The following SLC4A8 variants were observed in gnomAD, a reference collection of about 807,000 sequenced individuals.
SLC4A8 encodes electroneutral sodium bicarbonate exchanger 1.
In SLC4A8, 40 loss-of-function variants were observed where a neutral mutation model predicts 125.0. The observed-to-expected ratio is 0.32, with a 90% CI of 0.25 to 0.42. The LOEUF (loss-of-function observed/expected upper bound fraction) is 0.42, where lower values mean the gene tolerates loss of function less well. SLC4A8 is among the 10% of genes least tolerant of loss of function. The probability of loss-of-function intolerance (pLI) is 1.00; values close to 1 mark genes in which losing one functional copy is unlikely to be tolerated. For missense variants in SLC4A8, 863 were observed against 1,355.1 expected, an observed-to-expected ratio of 0.64 and a Z score of 5.70; for synonymous variants, 456 against 476.0, an observed-to-expected ratio of 0.96 and a Z score of 0.55.
In SLC4A8 at chr12:51,447,064, A is replaced by G. The variant is rs10624843; in HGVS notation, c.131-3812A>G. Among the ~76,000 whole-genome samples, 171 of 149,222 alleles carry G rather than the reference A, an allele frequency of 1.1e-3. 2 individuals carry two copies. The South Asian group carries it at 0.02, about 17-fold the overall frequency. On this transcript the variant is annotated intron_variant, in intron 2 of 24. Coordinates refer to ENST00000453097, the MANE Select transcript of SLC4A8 (RefSeq NM_001039960.3). ...TGTCTGTCTGTCTGTCTGTCTATCT[A>G]TCTGTCTATCTATCTATCTATCTAT... is the stretch of plus-strand genomic sequence containing the variant.
chr12:51,472,701 AGT>A (rs1205016479), intron 14 of SLC4A8, among the ~76,000 whole-genome samples: 1 of 152,200 alleles, frequency 6.6e-6, no homozygotes, highest in Non-Finnish European at 1.5e-5. Flanking sequence ...AGACAGGCAA[AGT>A]GACCAGCCCC....
intron 1 of SLC4A8, among the ~76,000 whole-genome samples, chr12:51,433,876 TTTG>T (rs1949298895): frequency 3.3e-5 from 1 of 30,472 alleles, no homozygotes; most frequent in Non-Finnish European, 7.2e-5. Context: ...TTTTTTTTTT[TTTG>T]GTTGGTTTTT....
rs548307456 is a variant in SLC4A8 at position 51,449,037 on chromosome 12, G to T, written c.131-1839G>T. 1.4e-3 allele frequency among the ~76,000 whole-genome samples: 211 copies of T among 152,260 alleles called. 2 individuals carry two copies. The highest frequency in any genetic ancestry group is 4.9e-3 in the African/African-American group (202 of 41,544). ...ACAGAAGCAACAGGATACCAGAGGG[G>T]TGGGAGACAATGGGATAGAGTCATA... On this transcript the variant is annotated intron_variant, in intron 2 of 24. Transcript: ENST00000453097.
At chr12:51,488,595 T>C in intron 17 of SLC4A8, 104 bp from the exon 18 acceptor site, 6 of 728,768 alleles carry the variant, frequency 8.2e-6, no homozygotes, top group South Asian at 3.0e-5. Flanking sequence ...TTTAAGAACC[T>C]CACTCAAGAA....
chr12:51,440,919 C>A lies in SLC4A8; in HGVS notation c.130+130C>A, dbSNP rs1381206514. Reference sequence around the variant, plus strand: ...GGGAAAATCACTTGATTTCCTTTAGCCTCACTTTCCTCATCTGGTAAATAA... The same window carrying A: ...GGGAAAATCACTTGATTTCCTTTAGACTCACTTTCCTCATCTGGTAAATAA... On this transcript the variant is annotated intron_variant, in intron 2 of 24. Transcript: ENST00000453097. The A allele has an allele frequency of 7.5e-6, 7 of 939,282 alleles. No homozygotes were observed. The African/African-American group carries it at 1.0e-4, about 14-fold the overall frequency. The allele number at this position is 939,282 out of a possible 1,614,324, so 58.2% of individuals were successfully genotyped here.
chr12:51,457,469 C>G lies in SLC4A8; in HGVS notation c.693C>G (p.Leu231=). The G allele has an allele frequency of 6.2e-7, 1 of 1,614,104 alleles. No homozygotes were observed. The highest frequency in any genetic ancestry group is 8.5e-7 in the Non-Finnish European group (1 of 1,179,960). The part of the protein sequence containing the change: ...HHQNEKKRNN[L]IPIVRSFAEV... The stretch of plus-strand genomic sequence containing the variant: ...AGAATGAAAAGAAGAGAAACAACCT[C>G]ATTCCCATTGTTCGCTCCTTTGCTG... The change falls in exon 6 of 25, where the codon CTC becomes CTG. Residue 231 remains leucine, a synonymous_variant. Transcript: ENST00000453097.
In SLC4A8 at chr12:51,472,970, GCA is replaced by G. The variant is rs370753144; in HGVS notation, c.1905-1363_1905-1362del. 1.9e-4 allele frequency among the ~76,000 whole-genome samples: 29 copies of G among 152,018 alleles called. 1 individual carries two copies. The South Asian group carries it at 5.4e-3, about 28-fold the overall frequency. On this transcript the variant is annotated intron_variant, in intron 14 of 24. Transcript: ENST00000453097. ...GAGTTAGCATATACCCCCTACCCCA[GCA>G]CACACACAGTCTCCCCCAATATCAA...
chr12:51,403,136 G>A (rs1272538457), intron 1 of SLC4A8: 2 of 217,368 alleles, frequency 9.2e-6, no homozygotes, highest in Non-Finnish European at 2.3e-5. Context: ...GCTCAGAACA[G>A]TGCTCAGAAC....
At chr12:51,442,225 C>T (rs1363811844) in intron 2 of SLC4A8, among the ~76,000 whole-genome samples, 1 of 152,162 alleles carries the variant, frequency 6.6e-6, no homozygotes, top group Non-Finnish European at 1.5e-5. Flanking sequence ...CTGTCATTAA[C>T]CACCCAACCT....
intron 20 of SLC4A8, chr12:51,494,660 T>A (rs541447577): frequency 3.8e-6 from 1 of 261,096 alleles, no homozygotes; most frequent in South Asian, 1.5e-4. Context: ...GTTTATTTTG[T>A]TTTCAACACC....
intron 1 of SLC4A8, among the ~76,000 whole-genome samples, chr12:51,400,099 C>G (rs1948344793): frequency 6.6e-6 from 1 of 152,204 alleles, no homozygotes; most frequent in South Asian, 2.1e-4. Flanking sequence ...GACCCAAGCA[C>G]TGCCCCTTGG....
rs58901746 is a variant in SLC4A8, at chr12:51,405,350, G to A, written c.-112+13862G>A. On this transcript the variant is annotated intron_variant, in intron 1 of 24. Coordinates refer to the SLC4A8 transcript ENST00000358657. ...TATTCCAAGCGCTTCAGGACATACTGTACCTCATTCCCTCTGAGCACTGGA... is the reference window on the plus strand; with the variant it reads ...TATTCCAAGCGCTTCAGGACATACTATACCTCATTCCCTCTGAGCACTGGA... Among the ~76,000 whole-genome samples, 813 of 152,250 alleles carry A rather than the reference G, an allele frequency of 5.3e-3. 8 individuals carry two copies. Among genetic ancestry groups the A allele is most frequent in the African/African-American group, 0.019 (769 of 41,524 alleles).
intron 1 of SLC4A8, chr12:51,425,304 G>C (rs1948932169): frequency 7.8e-7 from 1 of 1,285,964 alleles, no homozygotes; most frequent in African/African-American, 1.6e-5. Flanking sequence ...GACAGCCGGC[G>C]GGCGGCGACC....
intron 1 of SLC4A8, among the ~76,000 whole-genome samples, chr12:51,396,589 T>C (rs1948266995): frequency 6.6e-6 from 1 of 151,728 alleles, no homozygotes; most frequent in Non-Finnish European, 1.5e-5. Context: ...ATGTCTGTAA[T>C]CCCAGCACTT....
chr12:51,447,826 C>T (rs981314041), intron 2 of SLC4A8, among the ~76,000 whole-genome samples: 1 of 151,478 alleles, frequency 6.6e-6, no homozygotes, highest in Admixed American at 6.6e-5. Context: ...ATGCCATTCT[C>T]CTGCCTCAGC....
intron 15 of SLC4A8, chr12:51,474,662 T>C: frequency 1.3e-6 from 1 of 793,506 alleles, no homozygotes; most frequent in Non-Finnish European, 1.9e-6. Context: ...CCCCCCTACA[T>C]CCTACCCAGT....
intron 9 of SLC4A8, 114 bp from the exon 10 acceptor site, chr12:51,462,196 C>A: frequency 2.1e-6 from 2 of 962,290 alleles, no homozygotes; most frequent in Non-Finnish European, 3.3e-6. Context: ...CATCTCAGAT[C>A]CCCGTGACAG....
intron 22 of SLC4A8, chr12:51,497,834 C>T (rs1951503839): frequency 7.9e-6 from 1 of 127,218 alleles, no homozygotes; most frequent in Admixed American, 9.1e-5. Context: ...TTGAGACTAG[C>T]CTAGGCAATA....
chr12:51,443,884 C>T (rs918489038), intron 2 of SLC4A8, among the ~76,000 whole-genome samples: 9 of 152,108 alleles, frequency 5.9e-5, no homozygotes, highest in Admixed American at 2.0e-4. Context: ...CTGCAGGGTA[C>T]GTCAAACCTA....
Sources: allele counts gnomAD v4.1 joint callset (sites outside exome capture counted in the v4.1 genomes callset), GRCh38; gene constraint gnomAD v4.1.1; transcripts MANE v1.5; gene names NCBI Gene and HGNC (gene_info 2026-07-23, HGNC 2026-07-21).